PCDHA1: variants seen among roughly 807,000 people sequenced by gnomAD.
The protein encoded by PCDHA1 is protocadherin alpha 1.
A neutral mutation model predicts 61.3 loss-of-function variants in PCDHA1; 42 were observed. The observed-to-expected ratio is 0.69, with a 90% CI of 0.54 to 0.89. PCDHA1 has a LOEUF of 0.89. Among genes scored for constraint, PCDHA1 ranks in the 40% least tolerant of loss-of-function variants. The pLI, the probability that PCDHA1 is intolerant of heterozygous loss-of-function variation, is 0.00. For synonymous variants in PCDHA1, 610 were observed against 553.8 expected, an observed-to-expected ratio of 1.10 and a Z score of -1.43; for missense variants, 1,256 against 1,235.3, an observed-to-expected ratio of 1.02 and a Z score of -0.25.
At chr5:140,912,806 T>TA (rs1378576653) in intron 1 of PCDHA1, among the ~76,000 whole-genome samples, 2 of 152,232 alleles carry the variant, frequency 1.3e-5, no homozygotes, top group African/African-American at 4.8e-5. Context: ...TGAGGGTTTT[T>TA]ATCATAAAGG....
intron 1 of PCDHA1, among the ~76,000 whole-genome samples, chr5:140,951,224 A>G (rs539647356): frequency 3.2e-4 from 49 of 151,938 alleles, no homozygotes; most frequent in Non-Finnish European, 6.9e-4. Context: ...TGGATTCTTG[A>G]TGGTCTTTAC....
chr5:140,910,171 T>C (rs186096076), intron 1 of PCDHA1, among the ~76,000 whole-genome samples: 22 of 152,340 alleles, frequency 1.4e-4, no homozygotes, highest in Admixed American at 1.2e-3. Flanking sequence ...TGATCCTCTG[T>C]TTTTATAATT....
At chr5:140,877,828 C>T (rs781916987) in intron 1 of PCDHA1, 19 of 1,599,838 alleles carry the variant, frequency 1.2e-5, no homozygotes, top group Non-Finnish European at 1.5e-5. Flanking sequence ...TTGTTTAAAT[C>T]CTCCCAGTGA....
At chr5:140,869,479 A>G (rs781927972) in intron 1 of PCDHA1, 35 of 1,614,086 alleles carry the variant, frequency 2.2e-5, no homozygotes, top group Middle Eastern at 1.6e-4. Context: ...GGTGAAGGAC[A>G]TTAACGACAA....
At chr5:140,894,947 A>G (rs1257936552) in intron 1 of PCDHA1, among the ~76,000 whole-genome samples, 1 of 152,178 alleles carries the variant, frequency 6.6e-6, no homozygotes, top group Non-Finnish European at 1.5e-5. Flanking sequence ...TTGTCATGAA[A>G]TGATAAAAAT....
intron 1 of PCDHA1, chr5:140,801,305 T>G (rs1249358630): frequency 2.5e-6 from 4 of 1,613,332 alleles, no homozygotes; most frequent in Non-Finnish European, 2.5e-6. Flanking sequence ...ACTCCGTCTC[T>G]GAGGAGGCCA....
chr5:140,842,435 A>G (rs2150336163), intron 1 of PCDHA1: 10 of 1,613,586 alleles, frequency 6.2e-6, no homozygotes, highest in Admixed American at 5.0e-5. Context: ...CATCGCCCTA[A>G]TTAGCGTGAA....
intron 1 of PCDHA1, chr5:140,814,494 A>G (rs1269898592): frequency 1.3e-5 from 2 of 151,836 alleles, no homozygotes; most frequent in African/African-American, 2.4e-5. Flanking sequence ...TAGAAAGAGT[A>G]CACTGTAAAA....
chr5:140,792,871 T>C (rs1454855702), intron 1 of PCDHA1, among the ~76,000 whole-genome samples: 1 of 152,230 alleles, frequency 6.6e-6, no homozygotes, highest in African/African-American at 2.4e-5. Context: ...GCCATCTGTT[T>C]AAGCTCCAGG....
chr5:140,852,725 A>G lies in PCDHA1; in HGVS notation c.2394+64041A>G. The G allele has an allele frequency of 3.1e-6, 3 of 983,054 alleles. 1 individual carries two copies. The highest frequency in any genetic ancestry group is 3.7e-6 in the Non-Finnish European group (3 of 815,624). 60.9% of individuals were successfully genotyped at this position (983,054 alleles called of 1,614,324 possible). A position where few individuals can be genotyped will look rare whatever the true frequency, so the allele number is the denominator to read the frequency against. On this transcript the variant is annotated intron_variant, in intron 1 of 3. Coordinates refer to ENST00000504120, the MANE Select transcript of PCDHA1 (RefSeq NM_018900.4). ...GTATCTTTGTCTTTGCACGTTTTTC[A>G]AGTTTCATGTGCCATTTAAACTTGG...
intron 1 of PCDHA1, chr5:140,870,351 C>G (rs958022470): frequency 2.5e-6 from 4 of 1,614,202 alleles, no homozygotes; most frequent in Non-Finnish European, 3.4e-6. Context: ...ACCGCGAGAA[C>G]GTGTGGGCCT....
chr5:140,788,254 G>A lies in PCDHA1; in HGVS notation c.1964G>A (p.Gly655Asp). 6.2e-7 allele frequency: 1 copy of A among 1,613,966 alleles called. No homozygotes were observed. The highest frequency in any genetic ancestry group is 8.5e-7 in the Non-Finnish European group (1 of 1,179,932). Reference protein sequence around the residue: ...YRLLVLVKDHGEPALTATATV... With the variant: ...YRLLVLVKDHDEPALTATATV... ...CTTCTGGTGCTAGTGAAGGATCACG[G>A]TGAGCCGGCGCTGACAGCCACGGCC... The change falls in exon 1 of 4, where the codon GGT (glycine) becomes GAT (aspartate). Residue 655 changes from glycine to aspartate, a missense_variant. Coordinates refer to ENST00000504120, the MANE Select transcript of PCDHA1 (RefSeq NM_018900.4).
chr5:140,988,051 T>C (rs903060920), intron 3 of PCDHA1, among the ~76,000 whole-genome samples: 2 of 152,240 alleles, frequency 1.3e-5, no homozygotes, highest in African/African-American at 2.4e-5. Flanking sequence ...TTAGGAGCAC[T>C]GTCAACATGA....
At chr5:140,868,974 C>G in intron 1 of PCDHA1, 1 of 1,471,886 alleles carries the variant, frequency 6.8e-7, no homozygotes, top group Non-Finnish European at 9.1e-7. Flanking sequence ...GGAACTCCAT[C>G]ATACCGGATG....
At chr5:140,888,198 G>A (rs1031899783) in intron 1 of PCDHA1, among the ~76,000 whole-genome samples, 2 of 152,044 alleles carry the variant, frequency 1.3e-5, no homozygotes, top group Admixed American at 6.6e-5. Flanking sequence ...TTACATTGTC[G>A]GATGCTGGAT....
At chr5:140,880,870 G>T (rs1413243877) in intron 1 of PCDHA1, among the ~76,000 whole-genome samples, 1 of 152,142 alleles carries the variant, frequency 6.6e-6, no homozygotes, top group East Asian at 1.9e-4. Context: ...ATGTGAAGAG[G>T]TAAATAAAGA....
chr5:140,926,656 T>C (rs1372034097), intron 1 of PCDHA1: 1 of 513,300 alleles, frequency 1.9e-6, no homozygotes, highest in Non-Finnish European at 3.1e-6. Flanking sequence ...CGGCTCCGCT[T>C]TCCCAGACGG....
At chr5:140,930,649 G>A (rs1300720133) in intron 1 of PCDHA1, among the ~76,000 whole-genome samples, 1 of 152,156 alleles carries the variant, frequency 6.6e-6, no homozygotes, top group Non-Finnish European at 1.5e-5. Context: ...GGAAAATGAA[G>A]CATTCCTTGT....
chr5:140,978,240 C>G (rs1290697340), intron 1 of PCDHA1, among the ~76,000 whole-genome samples: 1 of 152,174 alleles, frequency 6.6e-6, no homozygotes, highest in African/African-American at 2.4e-5. Flanking sequence ...TGGATTTCAG[C>G]TACTCCCTGT....
Sources: allele counts gnomAD v4.1 joint callset (sites outside exome capture counted in the v4.1 genomes callset), GRCh38; gene constraint gnomAD v4.1.1; transcripts MANE v1.5; gene names NCBI Gene and HGNC (gene_info 2026-07-23, HGNC 2026-07-21).